Variants in FLNB observed in about 807,000 individuals in gnomAD.
The protein encoded by FLNB is filamin B.
A neutral mutation model predicts 250.6 loss-of-function variants in FLNB; 111 were observed. That is an observed-to-expected ratio of 0.44 (90% CI 0.38 to 0.52). The LOEUF (loss-of-function observed/expected upper bound fraction) is 0.52. Ranked by LOEUF, FLNB falls within the 20% of genes least tolerant of loss-of-function variation. The pLI, the probability that FLNB is intolerant of heterozygous loss-of-function variation, is 0.00. For missense variants in FLNB, 2,869 were observed against 3,447.8 expected (o/e 0.83, Z 4.20); for synonymous variants, 1,302 against 1,372.1 (o/e 0.95, Z 1.13).
chr3:58,067,421 T>C (rs181608407), intron 1 of FLNB, among the ~76,000 whole-genome samples: 16 of 152,290 alleles, frequency 1.1e-4, no homozygotes, highest in African/African-American at 3.8e-4. Flanking sequence ...AGAAAGAGAA[T>C]TGGAAATCCA....
Position 58,103,950 on chromosome 3 carries a change from T to G in FLNB, c.1484-9T>G, listed in dbSNP as rs1329518241. The stretch of plus-strand genomic sequence containing the variant: ...TGTGTTGGAAAGATTATCTCCTTCC[T>G]TCCCACAGAGGGTCTGGAGGAGCTG... On this transcript the variant is annotated splice_polypyrimidine_tract_variant and intron_variant, in intron 9 of 45. Transcript: ENST00000295956. 6.2e-7 allele frequency: 1 copy of G among 1,614,044 alleles called. No individual in the cohort carries two copies. Among genetic ancestry groups the G allele is most frequent in the Admixed American group, 1.7e-5 (1 of 60,018 alleles).
At chr3:58,168,894 T>G in intron 44 of FLNB, 2 of 543,732 alleles carry the variant, frequency 3.7e-6, no homozygotes, top group Non-Finnish European at 3.3e-6. Flanking sequence ...TTTCTATCTC[T>G]AACAGGAAAG....
At chr3:58,078,934 T>G in intron 3 of FLNB, 120 bp downstream of exon 3, 2 of 706,080 alleles carry the variant, frequency 2.8e-6, no homozygotes, top group East Asian at 5.4e-5. Flanking sequence ...GAGCATTGCC[T>G]GTGATGCTCT....
At chr3:58,098,101 A>AT (rs2097242289) in intron 7 of FLNB, 124 bp downstream of exon 7, 2 of 1,046,372 alleles carry the variant, frequency 1.9e-6, no homozygotes, top group African/African-American at 1.6e-5. Context: ...CACAAAGACA[A>AT]TTTTTTCAAA....
At position 58,148,264 on chromosome 3, in the gene FLNB, C is replaced by T. The variant is rs2097339036; in HGVS notation, c.5787C>T (p.Asp1929=). The T allele has an allele frequency of 1.9e-6, 3 of 1,614,088 alleles. No homozygotes were observed. Among genetic ancestry groups the T allele is most frequent in the African/African-American group, 2.7e-5 (2 of 74,946 alleles). Residue 1929 remains aspartate (D), a synonymous_variant, in exon 35 of 46, where the codon GAC becomes GAT. Transcript: ENST00000295956. ...KLGSAADFLL[D]ISETDLSSLT... is the part of the protein sequence containing the mutation. The stretch of plus-strand genomic sequence containing the variant: ...GCTCAGCCGCTGACTTCCTGCTCGA[C>T]ATCAGTGAGACTGACCTCAGCAGCC...
intron 39 of FLNB, 70 bp downstream of exon 39, chr3:58,153,711 T>TA: frequency 6.4e-7 from 1 of 1,572,640 alleles, no homozygotes; most frequent in Non-Finnish European, 8.7e-7. Context: ...GGCACCCACA[T>TA]ACTTTTTTGC....
In FLNB at chr3:58,171,353, A is replaced by T. The variant is rs1427585321; in HGVS notation, c.*591A>T. ...GGGCAGAGTGGCAGCCGGGCACCCT[A>T]CAGAAACTCAGAGGGCAGAGTGGCA... is the stretch of plus-strand genomic sequence containing the variant. On this transcript the variant is annotated 3_prime_UTR_variant, in exon 46 of 46. Coordinates refer to ENST00000295956, the MANE Select transcript of FLNB (RefSeq NM_001457.4). This position sits in a 1 kb window ranked among gnomAD's most constrained non-coding sequence, Gnocchi z 5.5. 1 of 154,674 alleles carries T rather than the reference A, an allele frequency of 6.5e-6. No homozygotes were observed. The highest frequency in any genetic ancestry group is 1.9e-4 in the East Asian group (1 of 5,262). 9.6% of individuals were successfully genotyped at this position (154,674 alleles called of 1,614,324 possible). A position where few individuals can be genotyped will look rare whatever the true frequency, so the allele number is the denominator to read the frequency against.
chr3:58,100,373 A>AAAAAAAAAAATATATATATAT, intron 8 of FLNB, among the ~76,000 whole-genome samples: 4 of 104,384 alleles, frequency 3.8e-5, no homozygotes, highest in East Asian at 3.4e-4. Flanking sequence ...GTAAAAAAAA[A>AAAAAAAAAAATATATATATAT]ATATATATAT....
intron 1 of FLNB, among the ~76,000 whole-genome samples, chr3:58,037,315 T>G (rs1034349387): frequency 6.6e-6 from 1 of 152,164 alleles, no homozygotes; most frequent in African/African-American, 2.4e-5. Context: ...TCCGCTCGCT[T>G]TGGCCTCCCA....
At position 58,106,739 on chromosome 3, in the gene FLNB, TC is replaced by T; in HGVS notation, c.1808del (p.Ser603CysfsTer78). 1 of 1,614,062 alleles carries T rather than the reference TC, an allele frequency of 6.2e-7. No homozygotes were observed. Among genetic ancestry groups the T allele is most frequent in the Non-Finnish European group, 8.5e-7 (1 of 1,179,992 alleles). ...KIEYNDQNDGSCDVKYWPKEP... is the reference protein window; with the variant it reads ...KIEYNDQNDGXCDVKYWPKEP... ...TGAGTACAACGACCAGAATGATGGA[TC>T]GTGTGATGTCAAATACTGGCCCAAG... On this transcript the variant is annotated frameshift_variant, in exon 12 of 46. Transcript: ENST00000295956. LOFTEE classifies it high-confidence loss of function.
intron 1 of FLNB, among the ~76,000 whole-genome samples, chr3:58,057,309 A>G (rs1300265226): frequency 1.3e-5 from 2 of 152,196 alleles, no homozygotes; most frequent in African/African-American, 4.8e-5. Context: ...AAAGTTAGTA[A>G]TTAGTGAAGA....
chr3:58,060,799 A>AAAAAG (rs2097177316), intron 1 of FLNB, among the ~76,000 whole-genome samples: 1 of 93,934 alleles, frequency 1.1e-5, no homozygotes, highest in African/African-American at 5.6e-5. Context: ...AAAAAAAAAA[A>AAAAAG]GAAAGAAAGA....
rs760742913 is a variant in FLNB, at chr3:58,152,819, TCAC to T, written c.6368-552_6368-550del. The T allele has an allele frequency of 6.1e-6, 7 of 1,148,712 alleles. No individual in the cohort carries two copies. The East Asian group carries it at 3.7e-4, about 61-fold the overall frequency. The allele number at this position is 1,148,712 out of a possible 1,614,324, so 71.2% of individuals were successfully genotyped here. A position where few individuals can be genotyped will look rare whatever the true frequency, so the allele number is the denominator to read the frequency against. ...GTGCCCCGCATGCGGCCGCCTGGCC[TCAC>T]CACGGCAGTGCAGGCACAGTCGTTG... is the stretch of plus-strand genomic sequence containing the variant. On this transcript the variant is annotated intron_variant, in intron 38 of 45. Transcript: ENST00000295956.
At chr3:58,125,433 A>G (rs1220520846) in intron 22 of FLNB, 148 bp from the exon 23 acceptor site, 1 of 944,818 alleles carries the variant, frequency 1.1e-6, no homozygotes, top group Non-Finnish European at 1.6e-6. Context: ...GCCCCCAGCC[A>G]CATTACTGTG....
At chr3:58,108,381 C>A (rs546650249) in intron 12 of FLNB, 77 bp from the exon 13 acceptor site, 12 of 917,916 alleles carry the variant, frequency 1.3e-5, no homozygotes, top group South Asian at 8.3e-5. Flanking sequence ...TCCCCCACCC[C>A]CTGGTTACCT....
intron 1 of FLNB, among the ~76,000 whole-genome samples, chr3:58,045,993 C>T (rs1408112887): frequency 7.4e-5 from 9 of 121,612 alleles, no homozygotes; most frequent in African/African-American, 1.7e-4. Flanking sequence ...AGCGAGACTC[C>T]GTCTCCAAAA....
chr3:58,109,117 G>C, intron 13 of FLNB, 62 bp from the exon 14 acceptor site: 1 of 1,607,600 alleles, frequency 6.2e-7, no homozygotes, highest in East Asian at 2.2e-5. Context: ...AGGCCACAGT[G>C]ACCCTGTCTG....
chr3:58,062,052 C>T (rs2097179514), intron 1 of FLNB, among the ~76,000 whole-genome samples: 1 of 152,124 alleles, frequency 6.6e-6, no homozygotes, highest in South Asian at 2.1e-4. Context: ...AATCATGCCA[C>T]TGCACTCCAG....
intron 21 of FLNB, among the ~76,000 whole-genome samples, chr3:58,124,012 G>A (rs183640258): frequency 1.3e-5 from 2 of 152,252 alleles, no homozygotes; most frequent in African/African-American, 2.4e-5. Context: ...CATACAACAT[G>A]TTGGCATTTA....
Sources: gnomAD v4.1 joint callset for allele counts (sites outside exome capture counted in the v4.1 genomes callset) on GRCh38, gnomAD v4.1.1 for gene constraint, Gnocchi (gnomAD v3.1) non-coding constraint, MANE v1.5 for transcripts, NCBI Gene and HGNC (gene_info 2026-07-23, HGNC 2026-07-21) for gene names.